GRM5: variants seen among roughly 807,000 people sequenced by gnomAD.
The protein encoded by GRM5 is glutamate metabotropic receptor 5.
A neutral mutation model predicts 83.1 loss-of-function variants in GRM5; 19 were observed. The ratio of observed to expected loss-of-function variants is 0.23; its 90% CI spans 0.16 to 0.34. The LOEUF is 0.34. Ranked by LOEUF, GRM5 falls within the 10% of genes least tolerant of loss-of-function variation. The probability of loss-of-function intolerance (pLI) is 1.00; values close to 1 mark genes in which losing one functional copy is unlikely to be tolerated. For synonymous variants in GRM5, 675 were observed against 633.6 expected, an observed-to-expected ratio of 1.07 and a Z score of -0.98; for missense variants, 1,160 against 1,588.3, an observed-to-expected ratio of 0.73 and a Z score of 4.58.
chr11:89,025,471 G>A (rs1029262224), intron 2 of GRM5, among the ~76,000 whole-genome samples: 2 of 152,138 alleles, frequency 1.3e-5, no homozygotes, highest in Non-Finnish European at 2.9e-5. Flanking sequence ...AATTATAAAG[G>A]AGCATGCAAT....
intron 7 of GRM5, among the ~76,000 whole-genome samples, chr11:88,581,445 G>T (rs565110326): frequency 6.6e-6 from 1 of 152,158 alleles, no homozygotes; most frequent in Non-Finnish European, 1.5e-5. Flanking sequence ...GTGTGAATTT[G>T]AACATGGGCA....
intron 2 of GRM5, among the ~76,000 whole-genome samples, chr11:88,899,077 G>A (rs1945278359): frequency 6.6e-6 from 1 of 151,846 alleles, no homozygotes; most frequent in Non-Finnish European, 1.5e-5. Context: ...CAGTTTCCTA[G>A]GTTTCCGATT....
chr11:88,840,794 G>A (rs2135530250), intron 3 of GRM5, among the ~76,000 whole-genome samples: 1 of 152,268 alleles, frequency 6.6e-6, no homozygotes, highest in Admixed American at 6.5e-5. Flanking sequence ...CTTTGTGTCT[G>A]GAGGCAAGTA....
intron 3 of GRM5, among the ~76,000 whole-genome samples, chr11:88,712,720 C>T (rs932309462): frequency 6.6e-6 from 1 of 151,974 alleles, no homozygotes; most frequent in Admixed American, 6.6e-5. Context: ...GATAGTCAGA[C>T]AGTTGTTTCC....
intron 2 of GRM5, among the ~76,000 whole-genome samples, chr11:89,017,386 G>A (rs1202848060): frequency 6.6e-6 from 1 of 152,118 alleles, no homozygotes; most frequent in Non-Finnish European, 1.5e-5. Context: ...AAACAAACAA[G>A]GCATAGCATA....
chr11:89,052,737 G>A (rs528288110), intron 1 of GRM5, among the ~76,000 whole-genome samples: 1 of 152,186 alleles, frequency 6.6e-6, no homozygotes, highest in Admixed American at 6.5e-5. Flanking sequence ...CTGCTTGAGC[G>A]TTCCAAATCC....
intron 2 of GRM5, among the ~76,000 whole-genome samples, chr11:88,853,642 CTT>C (rs1195396101): frequency 6.6e-6 from 1 of 151,724 alleles, no homozygotes; most frequent in African/African-American, 2.4e-5. Context: ...AACTAAAACA[CTT>C]TTTTTCACTT....
At chr11:88,937,344 AAAGT>A (rs1222525454) in intron 2 of GRM5, among the ~76,000 whole-genome samples, 3 of 151,884 alleles carry the variant, frequency 2.0e-5, no homozygotes, top group African/African-American at 4.8e-5. Context: ...AGAAGTAGAT[AAAGT>A]AATACAGTAT....
intron 2 of GRM5, among the ~76,000 whole-genome samples, chr11:88,962,043 G>A (rs1938799249): frequency 6.6e-6 from 1 of 152,182 alleles, no homozygotes; most frequent in South Asian, 2.1e-4. Context: ...TAGAATCAAG[G>A]AAACTGAGAT....
At chr11:88,968,033 T>C (rs1402930388) in intron 2 of GRM5, among the ~76,000 whole-genome samples, 4 of 152,132 alleles carry the variant, frequency 2.6e-5, no homozygotes, top group African/African-American at 4.8e-5. Flanking sequence ...TGTCTATTGA[T>C]AGTGGAGCAA....
intron 3 of GRM5, among the ~76,000 whole-genome samples, chr11:88,811,472 C>T (rs1943587597): frequency 6.6e-6 from 1 of 152,000 alleles, no homozygotes; most frequent in African/African-American, 2.4e-5. Flanking sequence ...AATTATGACC[C>T]TGGGTTCTTT....
At chr11:88,606,970 A>T (rs1168315204) in intron 4 of GRM5, among the ~76,000 whole-genome samples, 1 of 151,656 alleles carries the variant, frequency 6.6e-6, no homozygotes, top group Non-Finnish European at 1.5e-5. Context: ...AACAACAACA[A>T]ACAACAACAA....
intron 4 of GRM5, among the ~76,000 whole-genome samples, chr11:88,607,475 T>C (rs558961236): frequency 1.3e-5 from 2 of 152,300 alleles, no homozygotes; most frequent in South Asian, 2.1e-4. Flanking sequence ...CTTTCTCCTT[T>C]TGCCCATCTT....
At position 88,719,465 on chromosome 11, in the gene GRM5, A is replaced by G. The variant is rs552278898; in HGVS notation, c.912-66062T>C. 6.7e-4 allele frequency among the ~76,000 whole-genome samples: 102 copies of G among 152,062 alleles called. 1 individual carries two copies. The highest frequency in any genetic ancestry group is 1.1e-3 in the Non-Finnish European group (75 of 67,980). On this transcript the variant is annotated intron_variant, in intron 3 of 9. Coordinates refer to ENST00000305447, the MANE Select transcript of GRM5 (RefSeq NM_001143831.3). ...CATTTTCTTCATCCAGTCTATCATG[A>G]TGGGCATTTAGGTTGATTCCATGTC...
At chr11:88,522,418 G>T (rs1223236741) in intron 9 of GRM5, among the ~76,000 whole-genome samples, 1 of 152,100 alleles carries the variant, frequency 6.6e-6, no homozygotes, top group Non-Finnish European at 1.5e-5. Flanking sequence ...GGATAAATAT[G>T]TGTGTGCAGG....
chr11:88,534,419 A>T (rs896408379), intron 8 of GRM5, among the ~76,000 whole-genome samples: 1 of 152,290 alleles, frequency 6.6e-6, no homozygotes, highest in South Asian at 2.1e-4. Flanking sequence ...GTGAGACATG[A>T]AGTCAAAGGA....
chr11:88,971,019 G>A (rs182980704), intron 2 of GRM5, among the ~76,000 whole-genome samples: 1 of 152,110 alleles, frequency 6.6e-6, no homozygotes, highest in Admixed American at 6.6e-5. Flanking sequence ...GCTTTCTGCT[G>A]TCATGGTGAG....
At chr11:88,945,560 A>G (rs531391616) in intron 2 of GRM5, among the ~76,000 whole-genome samples, 2 of 152,086 alleles carry the variant, frequency 1.3e-5, no homozygotes, top group South Asian at 2.1e-4. Flanking sequence ...AGACCAACGG[A>G]ACAGAACTCA....
At chr11:89,041,849 T>A (rs1941541712) in intron 2 of GRM5, among the ~76,000 whole-genome samples, 1 of 152,220 alleles carries the variant, frequency 6.6e-6, no homozygotes, top group African/African-American at 2.4e-5. Flanking sequence ...TATTGTTAAG[T>A]CAGTGGTAAC....
Sources: gnomAD v4.1 joint callset for allele counts (sites outside exome capture counted in the v4.1 genomes callset) on GRCh38, gnomAD v4.1.1 for gene constraint, MANE v1.5 for transcripts, NCBI Gene and HGNC (gene_info 2026-07-23, HGNC 2026-07-21) for gene names.